RAPGEF6: variants seen among roughly 807,000 people sequenced by gnomAD.
The protein encoded by RAPGEF6 is PDZ domain containing guanine nucleotide exchange factor (GEF) 2.
A neutral mutation model predicts 171.4 loss-of-function variants in RAPGEF6; 56 were observed. The ratio of observed to expected loss-of-function variants is 0.33; its 90% CI spans 0.26 to 0.41. The LOEUF is 0.41. Ranked by LOEUF, RAPGEF6 falls within the 10% of genes least tolerant of loss-of-function variation. The probability of loss-of-function intolerance (pLI) is 1.00; values close to 1 mark genes in which losing one functional copy is unlikely to be tolerated. For missense variants in RAPGEF6, 1,674 were observed against 1,921.4 expected (o/e 0.87, Z 2.41); for synonymous variants, 692 against 650.1 (o/e 1.06, Z -0.98).
chr5:131,525,177 G>A (rs1418279321), intron 6 of RAPGEF6, among the ~76,000 whole-genome samples: 1 of 151,962 alleles, frequency 6.6e-6, no homozygotes, highest in Non-Finnish European at 1.5e-5. Flanking sequence ...ATTAACAAAC[G>A]ACCTAAAGAG....
At chr5:131,600,750 A>C (rs1764193008) in intron 3 of RAPGEF6, among the ~76,000 whole-genome samples, 1 of 152,180 alleles carries the variant, frequency 6.6e-6, no homozygotes, top group Non-Finnish European at 1.5e-5. Context: ...CTTGAATTCT[A>C]CCTCACATCA....
intron 22 of RAPGEF6, among the ~76,000 whole-genome samples, chr5:131,443,137 T>TTC (rs1752488402): frequency 6.6e-6 from 1 of 152,100 alleles, no homozygotes; most frequent in African/African-American, 2.4e-5. Flanking sequence ...AGACAGGGGT[T>TTC]TCTCCATGTT....
chr5:131,611,350 T>C (rs1478482884), intron 1 of RAPGEF6, among the ~76,000 whole-genome samples: 1 of 152,240 alleles, frequency 6.6e-6, no homozygotes, highest in Non-Finnish European at 1.5e-5. Flanking sequence ...TATTCTTAAA[T>C]ATTTAGTTTT....
At chr5:131,473,743 GAAT>G (rs774553937) in intron 16 of RAPGEF6, among the ~76,000 whole-genome samples, 1 of 152,056 alleles carries the variant, frequency 6.6e-6, no homozygotes, top group Non-Finnish European at 1.5e-5. Context: ...TATTATAAAT[GAAT>G]AATATGAAAT....
intron 24 of RAPGEF6, among the ~76,000 whole-genome samples, chr5:131,434,887 G>A (rs1470663880): frequency 2.0e-5 from 3 of 152,174 alleles, no homozygotes; most frequent in Non-Finnish European, 1.5e-5. Flanking sequence ...TCCCAACAAG[G>A]GACGGGTCTC....
chr5:131,449,392 G>A (rs1752917326), intron 21 of RAPGEF6, among the ~76,000 whole-genome samples: 1 of 152,158 alleles, frequency 6.6e-6, no homozygotes, highest in Non-Finnish European at 1.5e-5. Flanking sequence ...TGGGTCTGAG[G>A]AAATAAAATC....
At chr5:131,624,735 G>A (rs1765802180) in intron 1 of RAPGEF6, among the ~76,000 whole-genome samples, 1 of 152,236 alleles carries the variant, frequency 6.6e-6, no homozygotes, top group African/African-American at 2.4e-5. Flanking sequence ...TTGGGAGACT[G>A]AGAAGGAAAA....
chr5:131,508,869 G>A (rs950360944), intron 8 of RAPGEF6, among the ~76,000 whole-genome samples: 1 of 152,158 alleles, frequency 6.6e-6, no homozygotes, highest in African/African-American at 2.4e-5. Context: ...AAAGTTTTAT[G>A]AAAATAGTAT....
At chr5:131,543,542 T>C (rs190492672) in intron 6 of RAPGEF6, among the ~76,000 whole-genome samples, 15 of 152,228 alleles carry the variant, frequency 9.9e-5, no homozygotes, top group South Asian at 2.1e-4. Context: ...GAAGAATCTA[T>C]AGATATTATT....
At chr5:131,529,838 C>T (rs900520966) in intron 6 of RAPGEF6, among the ~76,000 whole-genome samples, 3 of 150,218 alleles carry the variant, frequency 2.0e-5, no homozygotes, top group Non-Finnish European at 4.4e-5. Flanking sequence ...TTCAAGGCTG[C>T]AGTGAGCCAT....
At chr5:131,430,763 A>C (rs1368919988) in intron 26 of RAPGEF6, 96 bp downstream of exon 26, 1 of 1,493,490 alleles carries the variant, frequency 6.7e-7, no homozygotes, top group Non-Finnish European at 9.2e-7. Context: ...TAGAGAATGA[A>C]TTTTTGCGAC....
chr5:131,442,042 T>C (rs548855160), intron 23 of RAPGEF6, among the ~76,000 whole-genome samples: 45 of 152,340 alleles, frequency 3.0e-4, no homozygotes, highest in African/African-American at 1.1e-3. Flanking sequence ...GTTGCATCTG[T>C]ATTGGATATT....
intron 3 of RAPGEF6, among the ~76,000 whole-genome samples, chr5:131,600,456 A>T (rs1221725369): frequency 2.0e-5 from 3 of 149,754 alleles, no homozygotes; most frequent in Non-Finnish European, 4.4e-5. Context: ...CAGGAGGCGG[A>T]GGTTGTAGTA....
Position 131,429,003 on chromosome 5 carries a change from G to A in RAPGEF6, c.4679C>T (p.Ala1560Val), listed in dbSNP as rs138602956. 261 of 1,614,032 alleles carry A rather than the reference G, an allele frequency of 1.6e-4. No homozygotes were observed. Among genetic ancestry groups the A allele is most frequent in the Non-Finnish European group, 2.0e-4 (235 of 1,180,034 alleles). The change falls in exon 27 of 28, where the codon GCC (alanine) becomes GTC (valine). Residue 1560 changes from alanine to valine, a missense_variant. Physicochemically the swap from Ala to Val is moderately conservative, Grantham distance 64 (BLOSUM62 0). Around this residue, in one of 3 missense-constraint regions of RAPGEF6, gnomAD observed 552 missense variants for 574.2 expected, o/e 0.96. Transcript: ENST00000509018. ...PPASLSSNLV[A>V]CVPSKIVTQP... The stretch of plus-strand genomic sequence containing the variant: ...AGTTACAATCTTCGATGGAACACAG[G>A]CCACGAGGTTGCTACTGAGAGAAGC...
chr5:131,561,828 A>G, intron 5 of RAPGEF6, 150 bp downstream of exon 5: 1 of 591,176 alleles, frequency 1.7e-6, no homozygotes, highest in Non-Finnish European at 2.9e-6. Context: ...AGACAGAAAT[A>G]GATAAACCTG....
intron 1 of RAPGEF6, among the ~76,000 whole-genome samples, chr5:131,631,576 T>C (rs1309809060): frequency 6.6e-6 from 1 of 152,196 alleles, no homozygotes; most frequent in East Asian, 1.9e-4. Context: ...CCTGATTTTA[T>C]GCAATAACAG....
chr5:131,562,623 T>C (rs1422701308), intron 4 of RAPGEF6, among the ~76,000 whole-genome samples: 1 of 152,218 alleles, frequency 6.6e-6, no homozygotes, highest in Non-Finnish European at 1.5e-5. Flanking sequence ...ATATAACCTA[T>C]GTGCATCCTT....
intron 6 of RAPGEF6, among the ~76,000 whole-genome samples, chr5:131,543,123 G>A (rs1011513947): frequency 2.6e-5 from 4 of 152,094 alleles, no homozygotes; most frequent in Non-Finnish European, 4.4e-5. Context: ...TTCTGTAACT[G>A]ATGGTAGGCC....
intron 3 of RAPGEF6, among the ~76,000 whole-genome samples, chr5:131,597,001 T>G (rs1763941648): frequency 6.6e-6 from 1 of 152,034 alleles, no homozygotes. Context: ...TGACAATGGG[T>G]TAATATCCAG....
Sources: allele counts gnomAD v4.1 joint callset (sites outside exome capture counted in the v4.1 genomes callset), GRCh38; gene constraint gnomAD v4.1.1; regional missense constraint gnomAD v4.1.1; transcripts MANE v1.5; gene names NCBI Gene and HGNC (gene_info 2026-07-23, HGNC 2026-07-21).